SOX6: variants seen among roughly 807,000 people sequenced by gnomAD.
SOX6 encodes the protein transcription factor SOX-6.
In SOX6, 11 loss-of-function variants were observed where a neutral mutation model predicts 97.8. The ratio of observed to expected loss-of-function variants is 0.11; its 90% CI spans 0.07 to 0.19. The LOEUF (loss-of-function observed/expected upper bound fraction) is 0.19. SOX6 is among the 10% of genes least tolerant of loss of function. The probability of loss-of-function intolerance (pLI) is 1.00; values close to 1 mark genes in which losing one functional copy is unlikely to be tolerated. For synonymous variants in SOX6, 360 were observed against 371.4 expected, an observed-to-expected ratio of 0.97 and a Z score of 0.35; for missense variants, 810 against 1,039.5, an observed-to-expected ratio of 0.78 and a Z score of 3.04.
intron 6 of SOX6, among the ~76,000 whole-genome samples, chr11:16,154,249 G>GA (rs901219337): frequency 6.6e-6 from 1 of 151,518 alleles, no homozygotes; most frequent in Non-Finnish European, 1.5e-5. Context: ...GTAAATACAT[G>GA]AAAAAAAAGT....
intron 15 of SOX6, among the ~76,000 whole-genome samples, chr11:15,982,171 A>C (rs1564891893): frequency 6.6e-6 from 1 of 152,030 alleles, no homozygotes; most frequent in Non-Finnish European, 1.5e-5. Context: ...GTCCTTACCA[A>C]TGTCCTTTGG....
At chr11:16,269,680 A>G (rs1854189845) in intron 3 of SOX6, among the ~76,000 whole-genome samples, 1 of 150,936 alleles carries the variant, frequency 6.6e-6, no homozygotes, top group South Asian at 2.1e-4. Flanking sequence ...ACTCCTAAAT[A>G]TTTAATCTTC....
chr11:16,735,829 T>G (rs1393324633), intron 2 of SOX6, among the ~76,000 whole-genome samples: 1 of 152,178 alleles, frequency 6.6e-6, no homozygotes, highest in African/African-American at 2.4e-5. Context: ...TAGGAATTTT[T>G]TTTTTTAGTC....
chr11:16,043,863 C>T (rs995034261), intron 12 of SOX6, among the ~76,000 whole-genome samples: 3 of 152,052 alleles, frequency 2.0e-5, no homozygotes, highest in Non-Finnish European at 4.4e-5. Flanking sequence ...AAGGTCATGT[C>T]CTCTTCCCAT....
intron 4 of SOX6, among the ~76,000 whole-genome samples, chr11:16,591,700 T>TAA (rs1848155579): frequency 6.6e-6 from 1 of 152,134 alleles, no homozygotes; most frequent in South Asian, 2.1e-4. Context: ...TAAAAAATAT[T>TAA]AAAATGCTAT....
intron 7 of SOX6, among the ~76,000 whole-genome samples, chr11:16,100,619 A>T (rs1387885816): frequency 6.6e-6 from 1 of 151,700 alleles, no homozygotes; most frequent in South Asian, 2.1e-4. Flanking sequence ...AGAAACTGAC[A>T]TGAAGCAGAA....
intron 3 of SOX6, among the ~76,000 whole-genome samples, chr11:16,635,493 A>G (rs1441824197): frequency 2.6e-5 from 4 of 152,232 alleles, no homozygotes. Context: ...TTTTTAAGCC[A>G]CAAAGCATTC....
At chr11:16,173,377 A>T (rs970536268) in intron 6 of SOX6, among the ~76,000 whole-genome samples, 11 of 151,904 alleles carry the variant, frequency 7.2e-5, no homozygotes, top group Middle Eastern at 3.4e-3. Context: ...TCCATAGAAG[A>T]AGTAACCTAA....
chr11:16,469,570 C>T (rs1036856310), intron 1 of SOX6, among the ~76,000 whole-genome samples: 2 of 152,070 alleles, frequency 1.3e-5, no homozygotes, highest in African/African-American at 4.8e-5. Context: ...AACCAGAATT[C>T]CTCTTCACTG....
chr11:16,687,319 G>C (rs1847977123), intron 3 of SOX6, among the ~76,000 whole-genome samples: 1 of 152,292 alleles, frequency 6.6e-6, no homozygotes, highest in South Asian at 2.1e-4. Flanking sequence ...AGGAGCAAGA[G>C]AGAGAGTGGG....
At chr11:16,101,916 G>A (rs995693316) in intron 7 of SOX6, among the ~76,000 whole-genome samples, 5 of 151,564 alleles carry the variant, frequency 3.3e-5, no homozygotes, top group East Asian at 1.9e-4. Flanking sequence ...AACCCACAGC[G>A]AACATTATAG....
At chr11:16,513,588 G>C (rs1303488278) in intron 4 of SOX6, among the ~76,000 whole-genome samples, 1 of 152,150 alleles carries the variant, frequency 6.6e-6, no homozygotes, top group East Asian at 1.9e-4. Context: ...AGCTGAGATG[G>C]TGCCACTGCA....
chr11:16,126,235 A>G (rs1849608740), intron 6 of SOX6, among the ~76,000 whole-genome samples: 1 of 152,110 alleles, frequency 6.6e-6, no homozygotes, highest in Non-Finnish European at 1.5e-5. Flanking sequence ...AACATCCACA[A>G]TGATCTAAAA....
chr11:16,513,557 C>T (rs755889182), intron 4 of SOX6, among the ~76,000 whole-genome samples: 5 of 152,148 alleles, frequency 3.3e-5, no homozygotes, highest in Non-Finnish European at 5.9e-5. Context: ...TGCTTGAACC[C>T]GGGAGGCGGA....
intron 1 of SOX6, among the ~76,000 whole-genome samples, chr11:16,369,130 T>C (rs1008734009): frequency 6.6e-6 from 1 of 152,180 alleles, no homozygotes; most frequent in East Asian, 1.9e-4. Flanking sequence ...TATGAAAAGA[T>C]GTTCAAGATC....
chr11:16,323,878 C>T (rs1442996347), intron 2 of SOX6, among the ~76,000 whole-genome samples: 1 of 151,912 alleles, frequency 6.6e-6, no homozygotes, highest in Non-Finnish European at 1.5e-5. Flanking sequence ...AACTAATTAT[C>T]AAATATGTCA....
In SOX6 at chr11:16,572,373, C is replaced by G. The variant is rs181741257; in HGVS notation, n.609+39708G>C. Among the ~76,000 whole-genome samples the G allele has an allele frequency of 1.5e-3, 222 of 152,252 alleles. 2 individuals carry two copies. Among genetic ancestry groups the G allele is most frequent in the Non-Finnish European group, 2.1e-3 (142 of 68,012 alleles). ...CATAGTAATGTTGTAGTTACAGCAA[C>G]TGATTGCACTTCAAAAAAACTTTAA... On this transcript the variant is annotated intron_variant and non_coding_transcript_variant, in intron 4 of 5. Coordinates refer to the SOX6 transcript ENST00000524520.
intron 12 of SOX6, among the ~76,000 whole-genome samples, chr11:16,021,522 G>A (rs987943083): frequency 1.5e-4 from 23 of 152,042 alleles, no homozygotes; most frequent in African/African-American, 5.6e-4. Context: ...ACTTTTAAAG[G>A]TGATTATATT....
chr11:16,013,672 C>T (rs183716106), intron 13 of SOX6, among the ~76,000 whole-genome samples: 9 of 141,570 alleles, frequency 6.4e-5, no homozygotes, highest in Non-Finnish European at 1.2e-4. Context: ...GACACATATA[C>T]ATCCTAATCA....
Sources: allele counts gnomAD v4.1 joint callset (sites outside exome capture counted in the v4.1 genomes callset), GRCh38; gene constraint gnomAD v4.1.1; transcripts MANE v1.5; gene names NCBI Gene and HGNC (gene_info 2026-07-23, HGNC 2026-07-21).